The following GMDS variants were observed in gnomAD, a reference collection of about 807,000 sequenced individuals.
GMDS encodes the protein GDP-mannose 4,6 dehydratase.
In GMDS, 20 loss-of-function variants were observed where a neutral mutation model predicts 49.9. That is an observed-to-expected ratio of 0.40 (90% CI 0.28 to 0.58). GMDS has a LOEUF of 0.58. Among genes scored for constraint, GMDS ranks in the 20% least tolerant of loss-of-function variants. GMDS has a pLI of 0.42. For missense variants in GMDS, 362 were observed against 481.4 expected (o/e 0.75, Z 2.32); for synonymous variants, 177 against 178.6 (o/e 0.99, Z 0.07).
intron 1 of GMDS, among the ~76,000 whole-genome samples, chr6:2,224,858 T>C (rs1406759737): frequency 1.3e-5 from 2 of 152,238 alleles, no homozygotes; most frequent in Non-Finnish European, 2.9e-5. Flanking sequence ...AGACACTGTG[T>C]CCTTCAACCC....
intron 4 of GMDS, among the ~76,000 whole-genome samples, chr6:2,040,471 C>G (rs1172470366): frequency 6.6e-6 from 1 of 152,212 alleles, no homozygotes; most frequent in East Asian, 1.9e-4. Flanking sequence ...ACATGGCTTA[C>G]TTGCTATCAG....
intron 7 of GMDS, among the ~76,000 whole-genome samples, chr6:1,913,685 T>C (rs554518142): frequency 6.6e-6 from 1 of 152,330 alleles, no homozygotes; most frequent in East Asian, 1.9e-4. Context: ...TCCAGTTGAA[T>C]TCTAAGACCA....
chr6:1,995,639 T>C (rs919229727), intron 4 of GMDS, among the ~76,000 whole-genome samples: 34 of 152,306 alleles, frequency 2.2e-4, no homozygotes, highest in African/African-American at 7.9e-4. Flanking sequence ...CCAGCTGCAC[T>C]GTCAAATACT....
intron 1 of GMDS, among the ~76,000 whole-genome samples, chr6:2,203,929 G>A (rs1410417603): frequency 3.3e-5 from 5 of 152,186 alleles, no homozygotes; most frequent in African/African-American, 4.8e-5. Context: ...AGCATTTAAC[G>A]TTTTCCTTAA....
intron 9 of GMDS, among the ~76,000 whole-genome samples, chr6:1,643,660 C>G (rs1040660349): frequency 3.9e-5 from 6 of 152,080 alleles, no homozygotes; most frequent in African/African-American, 1.2e-4. Context: ...GTGGGGGGGA[C>G]ACTGGGGACT....
chr6:1,873,750 G>A (rs959389579), intron 7 of GMDS, among the ~76,000 whole-genome samples: 2 of 152,150 alleles, frequency 1.3e-5, no homozygotes, highest in African/African-American at 4.8e-5. Context: ...CGCCAGCTTG[G>A]TGAAAGACAA....
At chr6:2,121,632 A>G (rs1424315982) in intron 2 of GMDS, among the ~76,000 whole-genome samples, 1 of 152,178 alleles carries the variant, frequency 6.6e-6, no homozygotes, top group Non-Finnish European at 1.5e-5. Context: ...ATTAACCACA[A>G]CTAATCAATC....
chr6:1,824,395 T>C (rs1319252427), intron 7 of GMDS, among the ~76,000 whole-genome samples: 1 of 152,186 alleles, frequency 6.6e-6, no homozygotes, highest in African/African-American at 2.4e-5. Context: ...TACAGCCTAT[T>C]TCAACTATAC....
intron 1 of GMDS, among the ~76,000 whole-genome samples, chr6:2,154,160 TAAATTA>T (rs916094220): frequency 6.6e-6 from 1 of 152,182 alleles, no homozygotes; most frequent in Admixed American, 6.5e-5. Flanking sequence ...ATTGAAAATT[TAAATTA>T]AAAGATTTTT....
At chr6:1,789,135 G>C (rs575070464) in intron 7 of GMDS, among the ~76,000 whole-genome samples, 5 of 152,250 alleles carry the variant, frequency 3.3e-5, no homozygotes, top group Admixed American at 6.5e-5. Context: ...AGGGACAGCA[G>C]GGGACGGTCT....
intron 7 of GMDS, among the ~76,000 whole-genome samples, chr6:1,802,652 C>G (rs1769996498): frequency 6.6e-6 from 1 of 152,230 alleles, no homozygotes; most frequent in African/African-American, 2.4e-5. Context: ...CGAGTCTGCC[C>G]TACAGGGCGG....
chr6:2,072,119 G>A (rs1772048365), intron 4 of GMDS, among the ~76,000 whole-genome samples: 1 of 152,176 alleles, frequency 6.6e-6, no homozygotes, highest in Non-Finnish European at 1.5e-5. Flanking sequence ...GTTTGTCTGT[G>A]TAGGTGTTTG....
At chr6:1,790,261 A>T (rs1016173984) in intron 7 of GMDS, among the ~76,000 whole-genome samples, 2 of 152,232 alleles carry the variant, frequency 1.3e-5, no homozygotes, top group Non-Finnish European at 2.9e-5. Context: ...CTCAAAAAGA[A>T]GATGAGCCAA....
chr6:1,986,283 A>T (rs1765540522), intron 4 of GMDS, among the ~76,000 whole-genome samples: 1 of 152,156 alleles, frequency 6.6e-6, no homozygotes, highest in Admixed American at 6.5e-5. Context: ...TTCCAGGTTA[A>T]CTATCCAGGG....
chr6:1,740,581 C>A (rs1767230885), intron 8 of GMDS, among the ~76,000 whole-genome samples: 1 of 150,128 alleles, frequency 6.7e-6, no homozygotes, highest in Non-Finnish European at 1.5e-5. Flanking sequence ...AGGAGGGTTA[C>A]TTAGAAGCAA....
chr6:1,661,092 G>A (rs959196713), intron 9 of GMDS, among the ~76,000 whole-genome samples: 1 of 152,092 alleles, frequency 6.6e-6, no homozygotes, highest in Non-Finnish European at 1.5e-5. Flanking sequence ...TGATTACAAC[G>A]AACACCATTT....
intron 6 of GMDS, among the ~76,000 whole-genome samples, chr6:1,940,162 C>A (rs948011827): frequency 1.4e-5 from 2 of 147,344 alleles, no homozygotes; most frequent in African/African-American, 2.5e-5. Context: ...TCTACAGATA[C>A]ACGATTGTAT....
chr6:1,704,577 T>C (rs576607325), intron 9 of GMDS, among the ~76,000 whole-genome samples: 1 of 152,328 alleles, frequency 6.6e-6, no homozygotes, highest in South Asian at 2.1e-4. Flanking sequence ...GACAGGTGGA[T>C]GCGGAGCGTG....
intron 9 of GMDS, among the ~76,000 whole-genome samples, chr6:1,711,483 C>CT (rs1765962400): frequency 6.6e-6 from 1 of 152,210 alleles, no homozygotes; most frequent in African/African-American, 2.4e-5. Flanking sequence ...TCTTTAAGAA[C>CT]ACTTGGGTAA....
Sources: gnomAD v4.1 joint callset for allele counts (sites outside exome capture counted in the v4.1 genomes callset) on GRCh38, gnomAD v4.1.1 for gene constraint, MANE v1.5 for transcripts, NCBI Gene and HGNC (gene_info 2026-07-23, HGNC 2026-07-21) for gene names.